Variants in TNRC6B observed in about 807,000 individuals in gnomAD.
TNRC6B encodes trinucleotide repeat-containing gene 6B protein.
TNRC6B carries 52 observed loss-of-function variants against 203.6 expected under a neutral mutation model. The observed-to-expected ratio is 0.26, with a 90% CI of 0.20 to 0.32. The LOEUF (loss-of-function observed/expected upper bound fraction) is 0.32. Ranked by LOEUF, TNRC6B falls within the 10% of genes least tolerant of loss-of-function variation. TNRC6B has a pLI of 1.00. For synonymous variants in TNRC6B, 838 were observed against 845.7 expected, an observed-to-expected ratio of 0.99 and a Z score of 0.16; for missense variants, 1,923 against 2,286.2, an observed-to-expected ratio of 0.84 and a Z score of 3.24.
intron 1 of TNRC6B, among the ~76,000 whole-genome samples, chr22:40,105,599 A>T (rs1601818012): frequency 6.6e-6 from 1 of 152,236 alleles, no homozygotes; most frequent in East Asian, 1.9e-4. Flanking sequence ...TGCGAGATTC[A>T]TCCATGTTGT....
rs61374373 is a variant in TNRC6B, at chr22:40,222,728, C to CTTTTTTTTTTTTTTTTTTT, written c.6-23272_6-23254dup. 6.5e-4 allele frequency among the ~76,000 whole-genome samples: 26 copies of CTTTTTTTTTTTTTTTTTTT among 40,214 alleles called. 3 individuals carry two copies. Among genetic ancestry groups the CTTTTTTTTTTTTTTTTTTT allele is most frequent in the South Asian group, 1.5e-3 (1 of 678 alleles). The allele number at this position is 40,214 out of a possible 152,430, so 26.4% of individuals were successfully genotyped here. A position where few individuals can be genotyped will look rare whatever the true frequency, so the allele number is the denominator to read the frequency against. ...ATCTTGCTGTATTCTCTCTCTCTCT[C>CTTTTTTTTTTTTTTTTTTT]TTTTTTTTTTTTTTTTTTTTTTTTT... is the stretch of plus-strand genomic sequence containing the variant. On this transcript the variant is annotated intron_variant, in intron 1 of 22. Coordinates refer to ENST00000454349, the MANE Select transcript of TNRC6B (RefSeq NM_001162501.2).
intron 12 of TNRC6B, among the ~76,000 whole-genome samples, chr22:40,294,621 G>A (rs1188247460): frequency 6.6e-6 from 1 of 152,222 alleles, no homozygotes; most frequent in African/African-American, 2.4e-5. Context: ...TCACACTGAA[G>A]GTGGTACATA....
At chr22:40,267,813 G>A (rs925987543) in intron 5 of TNRC6B, among the ~76,000 whole-genome samples, 2 of 152,110 alleles carry the variant, frequency 1.3e-5, no homozygotes, top group African/African-American at 4.8e-5. Flanking sequence ...GAGGCTGTAG[G>A]GAGCTATGAT....
chr22:40,187,907 A>G (rs2069224382), intron 1 of TNRC6B, among the ~76,000 whole-genome samples: 1 of 152,204 alleles, frequency 6.6e-6, no homozygotes, highest in Non-Finnish European at 1.5e-5. Flanking sequence ...TCTAAGTGAT[A>G]ACCAGTAAAG....
rs1262488345 is a variant in TNRC6B, at chr22:40,265,186, C to A, written c.956C>A (p.Thr319Asn). 19 of 1,613,856 alleles carry A rather than the reference C, an allele frequency of 1.2e-5. No homozygotes were observed. Among genetic ancestry groups the A allele is most frequent in the Non-Finnish European group, 1.5e-5 (18 of 1,179,902 alleles). ...SAWPALVQEG[T>N]SRKGALETDN... ...TGGCCAGCACTGGTCCAAGAAGGAA[C>A]TTCTAGGAAAGGGGCATTGGAAACA... Residue 319 changes from threonine to asparagine, a missense_variant, in exon 5 of 23, where the codon ACT becomes AAT. Thr to Asn is a moderately conservative substitution (Grantham distance 65). Transcript: ENST00000454349.
chr22:40,293,195 T>TTC (rs1318782270), intron 12 of TNRC6B, among the ~76,000 whole-genome samples: 4 of 138,334 alleles, frequency 2.9e-5, no homozygotes, highest in East Asian at 2.2e-4. Context: ...CTTTTCTTTT[T>TTC]TTTTTTTTTT....
chr22:40,199,786 G>T (rs1555888931), intron 1 of TNRC6B, among the ~76,000 whole-genome samples: 2 of 151,870 alleles, frequency 1.3e-5, no homozygotes, highest in Non-Finnish European at 2.9e-5. Context: ...CTGTGGTTTG[G>T]TTTTTGTTGT....
intron 3 of TNRC6B, among the ~76,000 whole-genome samples, chr22:40,131,414 T>TTTG (rs1471415646): frequency 6.6e-6 from 1 of 151,704 alleles, no homozygotes; most frequent in African/African-American, 2.4e-5. Flanking sequence ...GATTTTTTTT[T>TTTG]TTTTCTCTGC....
chr22:40,132,943 CAAAAAAA>C (rs71199270), intron 3 of TNRC6B, among the ~76,000 whole-genome samples: 2 of 23,878 alleles, frequency 8.4e-5, no homozygotes, highest in East Asian at 1.3e-3. Flanking sequence ...GACTCTGTCT[CAAAAAAA>C]AAAAAAAAAA....
intron 1 of TNRC6B, among the ~76,000 whole-genome samples, chr22:40,081,000 G>C (rs1273280795): frequency 6.6e-6 from 1 of 152,074 alleles, no homozygotes; most frequent in African/African-American, 2.4e-5. Context: ...GGAATTACAT[G>C]TGTGTGTCAC....
At chr22:40,078,970 A>T (rs1044483362) in intron 1 of TNRC6B, among the ~76,000 whole-genome samples, 1 of 151,760 alleles carries the variant, frequency 6.6e-6, no homozygotes, top group African/African-American at 2.4e-5. Flanking sequence ...GCTACTTGGG[A>T]GGCTGAGGCA....
In TNRC6B at chr22:40,328,915, A is replaced by C. The variant is rs2071433397; in HGVS notation, c.*5674A>C. 1 of 152,494 alleles carries C rather than the reference A, an allele frequency of 6.6e-6. No homozygotes were observed. Among genetic ancestry groups the C allele is most frequent in the Non-Finnish European group, 1.5e-5 (1 of 68,010 alleles). 9.4% of individuals were successfully genotyped at this position (152,494 alleles called of 1,614,324 possible). A position where few individuals can be genotyped will look rare whatever the true frequency, so the allele number is the denominator to read the frequency against. On this transcript the variant is annotated 3_prime_UTR_variant, in exon 23 of 23. Transcript: ENST00000454349. ...CTATAAGATCTTTAGAAGTGAGATA[A>C]ATTTTTCGCTGGTTAAAAAAAATCA...
chr22:40,094,161 A>G (rs2068169924), intron 1 of TNRC6B, among the ~76,000 whole-genome samples: 1 of 152,212 alleles, frequency 6.6e-6, no homozygotes, highest in African/African-American at 2.4e-5. Flanking sequence ...GAATGCTTTG[A>G]TAAGCAGATG....
chr22:40,068,534 T>G (rs1263035618), intron 1 of TNRC6B, among the ~76,000 whole-genome samples: 1 of 152,078 alleles, frequency 6.6e-6, no homozygotes, highest in African/African-American at 2.4e-5. Flanking sequence ...GCCAGGCTGG[T>G]CTCGAACTCC....
At chr22:40,311,532 ATTAAGGTAGAATTTTTT>A (rs1391381266) in intron 17 of TNRC6B, among the ~76,000 whole-genome samples, 1 of 151,766 alleles carries the variant, frequency 6.6e-6, no homozygotes, top group East Asian at 1.9e-4. Context: ...GTTTCGTTTT[ATTAAGGTAGAATTTTTT>A]TTTTTTTTTG....
In TNRC6B at chr22:40,266,629, G is replaced by A. The variant is rs2070484657; in HGVS notation, c.2399G>A (p.Cys800Tyr). ...GCTTCAAAAGGTGGGTGGGAGGATT[G>A]CAAAAGATCCCCAGCATGGAATGAG... The part of the protein sequence containing the change: ...SLASKGGWED[C>Y]KRSPAWNETG... The change falls in exon 5 of 23, where the codon TGC becomes TAC. Residue 800 changes from cysteine to tyrosine, a missense_variant. Physicochemically the swap from Cys to Tyr is radical, Grantham distance 194. Transcript: ENST00000454349. The A allele has an allele frequency of 2.5e-6, 4 of 1,610,880 alleles. No individual in the cohort carries two copies. Among genetic ancestry groups the A allele is most frequent in the Non-Finnish European group, 3.4e-6 (4 of 1,178,004 alleles).
chr22:40,314,622 C>T (rs908045926), intron 19 of TNRC6B, among the ~76,000 whole-genome samples: 4 of 152,182 alleles, frequency 2.6e-5, no homozygotes, highest in East Asian at 3.9e-4. Context: ...GCAAGCCCAG[C>T]GTTCTTGATC....
intron 16 of TNRC6B, among the ~76,000 whole-genome samples, chr22:40,310,375 C>G (rs1451739833): frequency 2.6e-5 from 4 of 152,156 alleles, no homozygotes; most frequent in Admixed American, 2.0e-4. Flanking sequence ...ATCAGCCAGC[C>G]CTTAAGAACC....
chr22:40,061,379 TA>T (rs1981748970), intron 1 of TNRC6B, among the ~76,000 whole-genome samples: 1 of 150,326 alleles, frequency 6.7e-6, no homozygotes, highest in African/African-American at 2.5e-5. Context: ...CACGTCTGCC[TA>T]ATTTTTTTTT....
Sources: allele counts gnomAD v4.1 joint callset (sites outside exome capture counted in the v4.1 genomes callset), GRCh38; gene constraint gnomAD v4.1.1; transcripts MANE v1.5; gene names NCBI Gene and HGNC (gene_info 2026-07-23, HGNC 2026-07-21).